Variants in ERBB4 observed in about 807,000 individuals in gnomAD.
The protein encoded by ERBB4 is receptor tyrosine-protein kinase erbB-4.
A neutral mutation model predicts 158.0 loss-of-function variants in ERBB4; 42 were observed. The ratio of observed to expected loss-of-function variants is 0.27; its 90% CI spans 0.21 to 0.34. ERBB4 has a LOEUF of 0.34. ERBB4 is among the 10% of genes least tolerant of loss of function. The probability of loss-of-function intolerance (pLI) is 1.00; values close to 1 mark genes in which losing one functional copy is unlikely to be tolerated. For synonymous variants in ERBB4, 583 were observed against 558.7 expected (o/e 1.04, Z -0.61); for missense variants, 1,333 against 1,624.1 (o/e 0.82, Z 3.08).
chr2:211,836,390 G>T (rs964929342), intron 3 of ERBB4, among the ~76,000 whole-genome samples: 4 of 152,064 alleles, frequency 2.6e-5, no homozygotes, highest in East Asian at 3.9e-4. Context: ...CCCATGAAGG[G>T]TTACACAGAG....
chr2:212,329,478 A>G (rs1473414489), intron 1 of ERBB4, among the ~76,000 whole-genome samples: 1 of 152,222 alleles, frequency 6.6e-6, no homozygotes, highest in Admixed American at 6.5e-5. Context: ...TTTAGTTTTT[A>G]AAGAAAGATT....
In ERBB4 at chr2:211,657,841, A is replaced by G; in HGVS notation, c.1872-13T>C. ...GGGACCGTTACACCTGCAGGCAATT[A>G]CAGAACAGAAAACATCATTCTCCAT... is the stretch of plus-strand genomic sequence containing the variant. On this transcript the variant is annotated splice_polypyrimidine_tract_variant and intron_variant, in intron 15 of 27. Transcript: ENST00000342788. 1 of 1,612,958 alleles carries G rather than the reference A, an allele frequency of 6.2e-7. No homozygotes were observed. The highest frequency in any genetic ancestry group is 8.5e-7 in the Non-Finnish European group (1 of 1,178,956).
intron 1 of ERBB4, among the ~76,000 whole-genome samples, chr2:212,172,917 C>G (rs1364724865): frequency 6.6e-6 from 1 of 152,038 alleles, no homozygotes; most frequent in Admixed American, 6.6e-5. Flanking sequence ...CTTCTATATC[C>G]TGCACATGTA....
intron 12 of ERBB4, among the ~76,000 whole-genome samples, chr2:211,695,224 T>A (rs1433760809): frequency 6.6e-6 from 1 of 152,170 alleles, no homozygotes; most frequent in Non-Finnish European, 1.5e-5. Flanking sequence ...CACTATAAAG[T>A]TGGATGATGT....
intron 1 of ERBB4, among the ~76,000 whole-genome samples, chr2:212,308,739 C>T (rs1212873848): frequency 2.0e-5 from 3 of 150,840 alleles, no homozygotes; most frequent in African/African-American, 7.3e-5. Flanking sequence ...GCATGTATTT[C>T]CTTGAGGGTA....
chr2:211,950,655 T>C (rs1420812065), intron 2 of ERBB4, among the ~76,000 whole-genome samples: 2 of 151,958 alleles, frequency 1.3e-5, no homozygotes. Context: ...TGGAGAGGAA[T>C]AGGAAAGGGA....
chr2:212,224,176 A>G (rs543607584), intron 1 of ERBB4, among the ~76,000 whole-genome samples: 26 of 152,064 alleles, frequency 1.7e-4, no homozygotes, highest in African/African-American at 6.0e-4. Context: ...TACACCAAAT[A>G]AAAAGCCAGT....
intron 2 of ERBB4, among the ~76,000 whole-genome samples, chr2:212,051,405 A>T (rs988416077): frequency 2.0e-5 from 3 of 152,184 alleles, no homozygotes; most frequent in African/African-American, 7.2e-5. Context: ...TTATTTAAAC[A>T]TCATGAACTC....
intron 1 of ERBB4, among the ~76,000 whole-genome samples, chr2:212,402,129 T>C (rs531927003): frequency 6.6e-6 from 1 of 152,166 alleles, no homozygotes; most frequent in South Asian, 2.1e-4. Context: ...CTTTAACAGG[T>C]GAATGGTTTA....
At chr2:212,272,650 C>T (rs538033409) in intron 1 of ERBB4, among the ~76,000 whole-genome samples, 8 of 151,808 alleles carry the variant, frequency 5.3e-5, no homozygotes, top group South Asian at 4.2e-4. Flanking sequence ...TTGACTGATG[C>T]GCCAGCTTGC....
At position 212,497,641 on chromosome 2, in the gene ERBB4, C is replaced by T. The variant is rs896363108; in HGVS notation, c.82+40808G>A. On this transcript the variant is annotated intron_variant, in intron 1 of 27. Transcript: ENST00000342788. ...ACATACAAGTCCTACATTCCAGTTT[C>T]GTTTCATGAAGGGAATATTACTCTT... Among the ~76,000 whole-genome samples, 4 of 152,118 alleles carry T rather than the reference C, an allele frequency of 2.6e-5. No homozygotes were observed. The South Asian group carries it at 6.2e-4, about 24-fold the overall frequency.
At chr2:211,985,599 G>A (rs539961280) in intron 2 of ERBB4, among the ~76,000 whole-genome samples, 1 of 152,128 alleles carries the variant, frequency 6.6e-6, no homozygotes, top group East Asian at 1.9e-4. Context: ...CCAAGTCAGC[G>A]AAGTCACTGC....
chr2:211,394,465 A>G (rs1181451767), intron 25 of ERBB4, among the ~76,000 whole-genome samples: 1 of 152,150 alleles, frequency 6.6e-6, no homozygotes, highest in Non-Finnish European at 1.5e-5. Flanking sequence ...CCTCATGATC[A>G]CTTAGCTACT....
intron 1 of ERBB4, among the ~76,000 whole-genome samples, chr2:212,179,863 A>C (rs762128425): frequency 6.6e-6 from 1 of 151,658 alleles, no homozygotes. Context: ...TACATTTCTC[A>C]CATTATTTAT....
At chr2:212,410,859 C>A (rs1266424504) in intron 1 of ERBB4, among the ~76,000 whole-genome samples, 1 of 151,952 alleles carries the variant, frequency 6.6e-6, no homozygotes, top group Non-Finnish European at 1.5e-5. Context: ...TTTTTATGTA[C>A]ACATATTCAG....
intron 19 of ERBB4, among the ~76,000 whole-genome samples, chr2:211,614,809 G>C (rs1276236938): frequency 6.6e-6 from 1 of 151,898 alleles, no homozygotes; most frequent in Non-Finnish European, 1.5e-5. Flanking sequence ...ATATCAAATG[G>C]AAATATGGAG....
At chr2:211,867,619 A>G (rs1374759238) in intron 3 of ERBB4, among the ~76,000 whole-genome samples, 1 of 152,148 alleles carries the variant, frequency 6.6e-6, no homozygotes, top group African/African-American at 2.4e-5. Flanking sequence ...TTTCTTTAAG[A>G]GATGGGGTCT....
intron 1 of ERBB4, among the ~76,000 whole-genome samples, chr2:212,401,473 A>C (rs1472029592): frequency 1.3e-5 from 2 of 152,138 alleles, no homozygotes; most frequent in Non-Finnish European, 2.9e-5. Flanking sequence ...TGCTTTGAAA[A>C]AGTTTTTATA....
chr2:211,774,460 G>C (rs1407961326), intron 4 of ERBB4, among the ~76,000 whole-genome samples: 3 of 151,772 alleles, frequency 2.0e-5, no homozygotes, highest in Non-Finnish European at 4.4e-5. Flanking sequence ...AAGCTGCATA[G>C]GGTCTTCTCA....
Sources: allele counts gnomAD v4.1 joint callset (sites outside exome capture counted in the v4.1 genomes callset), GRCh38; gene constraint gnomAD v4.1.1; transcripts MANE v1.5; gene names NCBI Gene and HGNC (gene_info 2026-07-23, HGNC 2026-07-21).